Variants in AKIRIN2 observed in about 807,000 individuals in gnomAD.
AKIRIN2 encodes the protein akirin-2.
In AKIRIN2, 6 loss-of-function variants were observed where a neutral mutation model predicts 29.3. That is an observed-to-expected ratio of 0.20 (90% confidence interval 0.11 to 0.40). The LOEUF (loss-of-function observed/expected upper bound fraction) is 0.40. Ranked by LOEUF, AKIRIN2 falls within the 10% of genes least tolerant of loss-of-function variation. The pLI is 1.00. For missense variants in AKIRIN2, 210 were observed against 276.1 expected (o/e 0.76, Z 1.70); for synonymous variants, 128 against 117.5 (o/e 1.09, Z -0.58).
Position 87,675,480 on chromosome 6 carries a change from A to T in AKIRIN2, c.*117T>A, listed in dbSNP as rs1292128363. 4.9e-6 allele frequency: 7 copies of T among 1,443,274 alleles called. No individual in the cohort carries two copies. In the East Asian group the frequency reaches 1.4e-4, roughly 29 times the overall value. 89.4% of individuals were successfully genotyped at this position (1,443,274 alleles called of 1,614,324 possible). On this transcript the variant is annotated 3_prime_UTR_variant, in exon 5 of 5. Coordinates refer to ENST00000257787, the MANE Select transcript of AKIRIN2 (RefSeq NM_018064.4). ...CCTAAGAGTGGTTGCCACTGACGAA[A>T]GCTTGAAATAACCTGTATTCACAGA... is the stretch of plus-strand genomic sequence containing the variant.
At chr6:87,692,827 CACA>C (rs1168375461) in intron 1 of AKIRIN2, among the ~76,000 whole-genome samples, 5 of 151,912 alleles carry the variant, frequency 3.3e-5, no homozygotes, top group African/African-American at 9.7e-5. Flanking sequence ...AAATAAATAT[CACA>C]ACGAGGAAAG....
chr6:87,675,396 A>G lies in AKIRIN2; in HGVS notation c.*201T>C, dbSNP rs1392418722. ...GGCCACTGGTATTAATACAGGTAGC[A>G]AAGGTCCACATCCAGGTGGTACTGA... On this transcript the variant is annotated 3_prime_UTR_variant, in exon 5 of 5. Coordinates refer to ENST00000257787, the MANE Select transcript of AKIRIN2 (RefSeq NM_018064.4). The G allele has an allele frequency of 1.7e-5, 11 of 637,504 alleles. No individual in the cohort carries two copies. The East Asian group carries it at 2.7e-4, about 16-fold the overall frequency. The allele number at this position is 637,504 out of a possible 1,614,324, so 39.5% of individuals were successfully genotyped here. A position where few individuals can be genotyped will look rare whatever the true frequency, so the allele number is the denominator to read the frequency against.
chr6:87,687,924 T>G (rs1435986973), intron 1 of AKIRIN2, among the ~76,000 whole-genome samples: 1 of 152,174 alleles, frequency 6.6e-6, no homozygotes, highest in Non-Finnish European at 1.5e-5. Flanking sequence ...GGCCCGGAGT[T>G]GGAGACGAGC....
chr6:87,684,915 G>A (rs1278691492), intron 1 of AKIRIN2, among the ~76,000 whole-genome samples: 2 of 151,894 alleles, frequency 1.3e-5, no homozygotes, highest in African/African-American at 4.8e-5. Context: ...GCAAATGAAG[G>A]GTTTATTTTG....
intron 1 of AKIRIN2, among the ~76,000 whole-genome samples, chr6:87,694,979 AGATACAATATCATCTCATGT>A (rs1480493913): frequency 6.6e-6 from 1 of 152,224 alleles, no homozygotes; most frequent in African/African-American, 2.4e-5. Context: ...TGCTTAATAT[AGATACAATATCATCTCATGT>A]GAGAAACTTG....
chr6:87,696,985 G>A (rs960857253), intron 1 of AKIRIN2, among the ~76,000 whole-genome samples: 9 of 150,218 alleles, frequency 6.0e-5, no homozygotes, highest in Non-Finnish European at 1.3e-4. Flanking sequence ...TAGCCTAGGC[G>A]ACAGAGTGAG....
intron 1 of AKIRIN2, among the ~76,000 whole-genome samples, chr6:87,688,793 T>C (rs1157309953): frequency 2.6e-5 from 4 of 151,718 alleles, no homozygotes; most frequent in Non-Finnish European, 4.4e-5. Context: ...GAAGGGGAAA[T>C]TGAACTGCCC....
intron 4 of AKIRIN2, 99 bp downstream of exon 4, chr6:87,675,761 T>C: frequency 1.2e-5 from 17 of 1,465,858 alleles, no homozygotes; most frequent in Non-Finnish European, 1.6e-5. Context: ...CTCAGTAATT[T>C]TGTTGAATTC....
rs188040673 is a variant in AKIRIN2 at position 87,696,151 on chromosome 6, C to T, written c.235+5299G>A. Among the ~76,000 whole-genome samples, 22 of 152,218 alleles carry T rather than the reference C, an allele frequency of 1.4e-4. No homozygotes were observed. In the East Asian group the frequency reaches 4.2e-3, roughly 29 times the overall value. ...CGAGATTGTGCTGCTGCACTCCAGC[C>T]TGGGACAGAGCAAGACTGTCTCAGA... On this transcript the variant is annotated intron_variant, in intron 1 of 4. Coordinates refer to ENST00000257787, the MANE Select transcript of AKIRIN2 (RefSeq NM_018064.4).
chr6:87,676,632 T>C (rs529266145), intron 3 of AKIRIN2, among the ~76,000 whole-genome samples: 1,318 of 119,070 alleles, frequency 0.011, 22 homozygotes, highest in African/African-American at 0.045. Context: ...CACACAAACA[T>C]AGCTGGGCAT....
chr6:87,678,260 G>A (rs1771057946), intron 2 of AKIRIN2, among the ~76,000 whole-genome samples: 1 of 152,188 alleles, frequency 6.6e-6, no homozygotes, highest in Non-Finnish European at 1.5e-5. Flanking sequence ...CCTGTAATCA[G>A]GCCGAGGTGG....
chr6:87,676,867 G>A (rs1003716446), intron 3 of AKIRIN2, among the ~76,000 whole-genome samples: 3 of 150,646 alleles, frequency 2.0e-5, no homozygotes, highest in Admixed American at 1.3e-4. Context: ...ACGAGGTCAG[G>A]AGATCGAGAC....
chr6:87,699,365 G>A (rs1435710335), intron 1 of AKIRIN2, among the ~76,000 whole-genome samples: 1 of 152,014 alleles, frequency 6.6e-6, no homozygotes, highest in Admixed American at 6.5e-5. Context: ...CAAAACTACC[G>A]TTTAAAAAAT....
chr6:87,701,544 G>A lies in AKIRIN2; in HGVS notation c.141C>T (p.Thr47=). 2 of 1,416,790 alleles carry A rather than the reference G, an allele frequency of 1.4e-6. No individual in the cohort carries two copies. Among genetic ancestry groups the A allele is most frequent in the South Asian group, 3.0e-5 (2 of 67,230 alleles). The allele number at this position is 1,416,790 out of a possible 1,614,324, so 87.8% of individuals were successfully genotyped here. A position where few individuals can be genotyped will look rare whatever the true frequency, so the allele number is the denominator to read the frequency against. ...CGGCCGCAGCGGAGAAGGAGGCGGC[G>A]GTGGCCGCGGCCGCCGACAACGGGG... ...AASPLSAAAA[T]AASFSAAAAS... is the part of the protein sequence containing the mutation. Residue 47 remains threonine (T), a synonymous_variant, in exon 1 of 5, where the codon ACC becomes ACT. Transcript: ENST00000257787.
At chr6:87,687,454 A>AC (rs1224436852) in intron 1 of AKIRIN2, among the ~76,000 whole-genome samples, 1 of 149,516 alleles carries the variant, frequency 6.7e-6, no homozygotes, top group Non-Finnish European at 1.5e-5. Flanking sequence ...AAAAAAAAAA[A>AC]AACACACTAC....
At chr6:87,699,934 A>G (rs1238431041) in intron 1 of AKIRIN2, among the ~76,000 whole-genome samples, 2 of 152,232 alleles carry the variant, frequency 1.3e-5, no homozygotes, top group African/African-American at 4.8e-5. Context: ...TTATTAGTTA[A>G]GTACAGAATC....
chr6:87,676,231 G>A (rs2754251), intron 3 of AKIRIN2, among the ~76,000 whole-genome samples: 9,052 of 151,838 alleles, frequency 0.06, 297 homozygotes, highest in African/African-American at 0.077. Flanking sequence ...CTGGGAGGCC[G>A]AGGCGGGCGG....
rs1175616281 is a variant in AKIRIN2 at position 87,691,358 on chromosome 6, T to C, written c.236-9595A>G. Among the ~76,000 whole-genome samples, 3 of 149,338 alleles carry C rather than the reference T, an allele frequency of 2.0e-5. No homozygotes were observed. In the East Asian group the frequency reaches 5.9e-4, roughly 30 times the overall value. ...TGGGTGGCTGAGGCAGGAGAATTGC[T>C]TGAACCCAGGAGGCAGAGGTTGCAG... On this transcript the variant is annotated intron_variant, in intron 1 of 4. Coordinates refer to ENST00000257787, the MANE Select transcript of AKIRIN2 (RefSeq NM_018064.4).
intron 3 of AKIRIN2, among the ~76,000 whole-genome samples, chr6:87,676,596 A>AACACACGCACGCGCGCACACACACACAC (rs1485678233): frequency 7.0e-6 from 1 of 142,046 alleles, no homozygotes; most frequent in African/African-American, 2.7e-5. Flanking sequence ...CTCTACTAAA[A>AACACACGCACGCGCGCACACACACACAC]ACACACACAC....
Sources: gnomAD v4.1 joint callset for allele counts (sites outside exome capture counted in the v4.1 genomes callset) on GRCh38, gnomAD v4.1.1 for gene constraint, MANE v1.5 for transcripts, NCBI Gene and HGNC (gene_info 2026-07-23, HGNC 2026-07-21) for gene names.